Variants in EDARADD observed in about 807,000 individuals in gnomAD.
EDARADD encodes EDAR associated via death domain.
In EDARADD, 20 loss-of-function variants were observed where a neutral mutation model predicts 25.6. The observed-to-expected ratio is 0.78, with a 90% CI of 0.55 to 1.14. EDARADD has a LOEUF of 1.14. Ranked by LOEUF, EDARADD falls within the 50% of genes most tolerant of loss-of-function variation. The pLI is 0.00. For synonymous variants in EDARADD, 86 were observed against 94.4 expected (o/e 0.91, Z 0.52); for missense variants, 225 against 270.1 (o/e 0.83, Z 1.17).
chr1:236,446,317 C>T (rs116261038), intron 4 of EDARADD, among the ~76,000 whole-genome samples: 1,796 of 152,066 alleles, frequency 0.012, 36 homozygotes, highest in African/African-American at 0.039. Context: ...ATAAGGAGGC[C>T]GAGGCAGGTG....
At chr1:236,387,412 C>CG (rs1477757017) in intron 3 of EDARADD, among the ~76,000 whole-genome samples, 1 of 33,518 alleles carries the variant, frequency 3.0e-5, no homozygotes, top group African/African-American at 8.1e-5. Flanking sequence ...CCGCCCCGTC[C>CG]GGGAGGTGAG....
At chr1:236,466,762 A>G (rs1271378392) in intron 4 of EDARADD, among the ~76,000 whole-genome samples, 1 of 152,172 alleles carries the variant, frequency 6.6e-6, no homozygotes, top group African/African-American at 2.4e-5. Context: ...TAAGAGAGAA[A>G]GATTGTTTAA....
intron 3 of EDARADD, 32 bp downstream of exon 3, chr1:236,414,331 G>C: frequency 6.4e-7 from 1 of 1,554,436 alleles, no homozygotes; most frequent in Non-Finnish European, 8.9e-7. Flanking sequence ...ACTTGAACAT[G>C]TGATTATTTT....
intron 4 of EDARADD, among the ~76,000 whole-genome samples, chr1:236,460,211 G>T (rs1659001508): frequency 2.7e-5 from 4 of 147,718 alleles, no homozygotes; most frequent in South Asian, 4.3e-4. Context: ...TTGAGACAGG[G>T]TCCCACTCTG....
Position 236,484,707 on chromosome 1 carries a change from A to AC in EDARADD, c.*2058_*2059insC. 4 of 162,360 alleles carry AC rather than the reference A, an allele frequency of 2.5e-5. No homozygotes were observed. Among genetic ancestry groups the AC allele is most frequent in the Non-Finnish European group, 3.6e-5 (3 of 82,798 alleles). The allele number at this position is 162,360 out of a possible 1,614,324, so 10.1% of individuals were successfully genotyped here. ...TGGAGACAGAGTGAGAGTCCGTCCC[A>AC]GAAAAAAAAAAAAAAAAAAAGAACT... On this transcript the variant is annotated 3_prime_UTR_variant, in exon 6 of 6. Coordinates refer to ENST00000334232, the MANE Select transcript of EDARADD (RefSeq NM_145861.4). The surrounding 1 kb of genome is among the most constrained non-coding windows in gnomAD (Gnocchi z 4.1).
At chr1:236,401,155 C>T (rs1422942773) in intron 1 of EDARADD, among the ~76,000 whole-genome samples, 2 of 151,618 alleles carry the variant, frequency 1.3e-5, no homozygotes, top group Non-Finnish European at 2.9e-5. Flanking sequence ...TGCTGCACTA[C>T]AGCCTGGGCG....
intron 3 of EDARADD, among the ~76,000 whole-genome samples, chr1:236,371,748 T>G (rs912357234): frequency 6.6e-6 from 1 of 151,898 alleles, no homozygotes; most frequent in Non-Finnish European, 1.5e-5. Context: ...TTTTTTGTAT[T>G]TTTAATAGAG....
At chr1:236,414,329 A>T (rs752178442) in intron 3 of EDARADD, 30 bp downstream of exon 3, 2 of 1,557,496 alleles carry the variant, frequency 1.3e-6, no homozygotes, top group Admixed American at 1.7e-5. Context: ...CTACTTGAAC[A>T]TGTGATTATT....
At chr1:236,357,975 C>A (rs1373234849) in intron 3 of EDARADD, among the ~76,000 whole-genome samples, 1 of 151,892 alleles carries the variant, frequency 6.6e-6, no homozygotes, top group Non-Finnish European at 1.5e-5. Flanking sequence ...TAGGTTCAAC[C>A]AATTCTCCTG....
intron 3 of EDARADD, among the ~76,000 whole-genome samples, chr1:236,370,265 C>CA (rs2102993365): frequency 6.6e-6 from 1 of 152,016 alleles, no homozygotes. Flanking sequence ...TACTAAAATA[C>CA]AAAAAATCAG....
chr1:236,381,872 T>C (rs1289773504), intron 3 of EDARADD, among the ~76,000 whole-genome samples: 1 of 127,110 alleles, frequency 7.9e-6, no homozygotes, highest in Non-Finnish European at 1.6e-5. Context: ...CTGAAACTCT[T>C]GGGCTCAAGC....
chr1:236,418,930 C>A (rs892153530), intron 3 of EDARADD, among the ~76,000 whole-genome samples: 2 of 152,154 alleles, frequency 1.3e-5, no homozygotes, highest in Non-Finnish European at 2.9e-5. Flanking sequence ...TTGACAGAGA[C>A]CCTCTTGGGA....
chr1:236,432,937 A>G (rs527699198), intron 4 of EDARADD, among the ~76,000 whole-genome samples: 64 of 151,418 alleles, frequency 4.2e-4, no homozygotes, highest in Middle Eastern at 3.4e-3. Flanking sequence ...CAAAAAAAAA[A>G]AAAGAAAGAA....
At chr1:236,475,248 G>A (rs971489159) in intron 5 of EDARADD, among the ~76,000 whole-genome samples, 1 of 152,002 alleles carries the variant, frequency 6.6e-6, no homozygotes, top group Non-Finnish European at 1.5e-5. Flanking sequence ...TCCCCTCTCC[G>A]AGGCATTACC....
Position 236,483,431 on chromosome 1 carries a change from G to T in EDARADD, c.*782G>T. 8.9e-7 allele frequency: 1 copy of T among 1,128,660 alleles called. No homozygotes were observed. The highest frequency in any genetic ancestry group is 1.4e-6 in the Non-Finnish European group (1 of 739,946). 69.9% of individuals were successfully genotyped at this position (1,128,660 alleles called of 1,614,324 possible). On this transcript the variant is annotated 3_prime_UTR_variant, in exon 6 of 6. Transcript: ENST00000334232. ...AACTGAACGTCACAGAACAAGAGAA[G>T]ATTGACAAACTTATGATAGAGATGG... is the stretch of plus-strand genomic sequence containing the variant.
chr1:236,381,889 A>G (rs970617026), intron 3 of EDARADD, among the ~76,000 whole-genome samples: 2 of 134,330 alleles, frequency 1.5e-5, no homozygotes, highest in African/African-American at 5.8e-5. Flanking sequence ...AAGCCATCCT[A>G]CAGTCACAGC....
At chr1:236,453,767 A>G (rs1558129597) in intron 4 of EDARADD, among the ~76,000 whole-genome samples, 1 of 152,208 alleles carries the variant, frequency 6.6e-6, no homozygotes, top group Non-Finnish European at 1.5e-5. Flanking sequence ...AGGGCACTCT[A>G]TGATGTTCAC....
At chr1:236,405,874 C>CTTTCT (rs1370860313) in intron 1 of EDARADD, among the ~76,000 whole-genome samples, 44 of 30,896 alleles carry the variant, frequency 1.4e-3, no homozygotes, top group African/African-American at 3.7e-3. Flanking sequence ...TCCTTCCTTC[C>CTTTCT]TTCTTTCTTT....
chr1:236,433,437 A>AGCAGCT (rs1285913253), intron 4 of EDARADD, among the ~76,000 whole-genome samples: 6 of 151,686 alleles, frequency 4.0e-5, no homozygotes, highest in African/African-American at 1.5e-4. Flanking sequence ...TCAGCCCCAG[A>AGCAGCT]GCAGCTGGGA....
Sources: allele counts gnomAD v4.1 joint callset (sites outside exome capture counted in the v4.1 genomes callset), GRCh38; gene constraint gnomAD v4.1.1; non-coding constraint Gnocchi (gnomAD v3.1); transcripts MANE v1.5; gene names NCBI Gene and HGNC (gene_info 2026-07-23, HGNC 2026-07-21).